The following PBX1 variants were observed in gnomAD, a reference collection of about 807,000 sequenced individuals.
The protein encoded by PBX1 is PBX homeobox 1, also known as pre-B-cell leukemia transcription factor 1.
Under a neutral mutation model 53.4 loss-of-function variants are expected in PBX1, and 6 were observed. That is an observed-to-expected ratio of 0.11 (90% confidence interval 0.06 to 0.22). The LOEUF (loss-of-function observed/expected upper bound fraction) is 0.22, where lower values mean the gene tolerates loss of function less well. Ranked by LOEUF, PBX1 falls within the 10% of genes least tolerant of loss-of-function variation. PBX1 has a pLI of 1.00. For synonymous variants in PBX1, 204 were observed against 212.3 expected (o/e 0.96, Z 0.34); for missense variants, 251 against 551.4 (o/e 0.46, Z 5.46).
chr1:164,792,783 A>G (rs766231849), intron 3 of PBX1, 45 bp downstream of exon 3: 123 of 1,438,116 alleles, frequency 8.6e-5, no homozygotes, highest in Non-Finnish European at 1.1e-4. Flanking sequence ...CCTTTAGGAA[A>G]GGGTGGAGGA....
chr1:164,729,588 G>A (rs1664877586), intron 2 of PBX1, among the ~76,000 whole-genome samples: 1 of 152,080 alleles, frequency 6.6e-6, no homozygotes, highest in Non-Finnish European at 1.5e-5. Context: ...ACATGTTTCA[G>A]GCAGTTTATT....
At chr1:164,820,279 G>A (rs976681508) in intron 7 of PBX1, 95 bp downstream of exon 7, 21 of 733,832 alleles carry the variant, frequency 2.9e-5, no homozygotes, top group African/African-American at 5.3e-5. Flanking sequence ...GAGAGAGAGA[G>A]AAAAACAGAT....
intron 8 of PBX1, among the ~76,000 whole-genome samples, chr1:164,842,610 T>C (rs1352579713): frequency 6.6e-6 from 1 of 152,108 alleles, no homozygotes; most frequent in Non-Finnish European, 1.5e-5. Flanking sequence ...CTTCATCTGG[T>C]AGAATTAAAA....
At chr1:164,724,982 C>A (rs1228682056) in intron 2 of PBX1, among the ~76,000 whole-genome samples, 1 of 151,872 alleles carries the variant, frequency 6.6e-6, no homozygotes, top group Non-Finnish European at 1.5e-5. Context: ...ACAGGTGGGT[C>A]CTTTTTCGGT....
In PBX1 at chr1:164,632,228, A is replaced by G. The variant is rs1278582151; in HGVS notation, c.265+68917A>G. On this transcript the variant is annotated intron_variant, in intron 2 of 8. Transcript: ENST00000420696. ...CGCAGCCTAGGCATTAATAGCCCTC[A>G]CAGCACCTCATTGACATGGCTGCAC... Among the ~76,000 whole-genome samples, 3 of 152,202 alleles carry G rather than the reference A, an allele frequency of 2.0e-5. No individual in the cohort carries two copies. The East Asian group carries it at 5.8e-4, about 29-fold the overall frequency.
At chr1:164,781,312 C>A (rs901043020) in intron 2 of PBX1, among the ~76,000 whole-genome samples, 20 of 152,262 alleles carry the variant, frequency 1.3e-4, no homozygotes, top group African/African-American at 3.9e-4. Context: ...GAGGTGATTT[C>A]TCCTCTAAGT....
intron 2 of PBX1, among the ~76,000 whole-genome samples, chr1:164,710,665 C>T (rs1663705570): frequency 6.6e-6 from 1 of 152,104 alleles, no homozygotes; most frequent in Non-Finnish European, 1.5e-5. Context: ...CCCGCCTTGG[C>T]CCCCCAAAGT....
chr1:164,869,369 G>A (rs1672294699), intron 2 of PBX1, among the ~76,000 whole-genome samples: 1 of 152,214 alleles, frequency 6.6e-6, no homozygotes, highest in African/African-American at 2.4e-5. Flanking sequence ...GGGTGAAGCA[G>A]GTTAACTTCC....
chr1:164,566,931 T>C (rs749442092), intron 2 of PBX1, among the ~76,000 whole-genome samples: 7 of 152,234 alleles, frequency 4.6e-5, no homozygotes, highest in Middle Eastern at 3.4e-3. Context: ...GTTAAAAAAA[T>C]TTATTTTTTG....
intron 2 of PBX1, among the ~76,000 whole-genome samples, chr1:164,759,896 A>G (rs1666720059): frequency 6.6e-6 from 1 of 152,102 alleles, no homozygotes; most frequent in South Asian, 2.1e-4. Flanking sequence ...TCAGATGCCC[A>G]GTTCACACAG....
At position 164,838,214 on chromosome 1, in the gene PBX1, G is replaced by A. The variant is rs111772226; in HGVS notation, c.1201-8370G>A. 1.9e-3 allele frequency among the ~76,000 whole-genome samples: 285 copies of A among 152,260 alleles called. 8 individuals carry two copies. The South Asian group carries it at 0.047, about 25-fold the overall frequency. ...TAACAAGAGAGTTTGTTTTCATACC[G>A]TGTGAACATGGATCAGATATACCAT... On this transcript the variant is annotated intron_variant, in intron 8 of 8. Transcript: ENST00000420696.
At chr1:164,620,568 T>C (rs1226944199) in intron 2 of PBX1, among the ~76,000 whole-genome samples, 2 of 152,190 alleles carry the variant, frequency 1.3e-5, no homozygotes, top group Non-Finnish European at 2.9e-5. Flanking sequence ...CATATTCTCG[T>C]GGCCTAAAAT....
At chr1:164,736,681 G>A (rs1188195246) in intron 2 of PBX1, among the ~76,000 whole-genome samples, 1 of 152,170 alleles carries the variant, frequency 6.6e-6, no homozygotes, top group Non-Finnish European at 1.5e-5. Context: ...CAAATATGAG[G>A]CAGACAAGAT....
chr1:164,565,095 A>G (rs1056497067), intron 2 of PBX1, among the ~76,000 whole-genome samples: 3 of 152,138 alleles, frequency 2.0e-5, no homozygotes, highest in Admixed American at 6.5e-5. Flanking sequence ...GCTTAATTCT[A>G]GTTTCCTAAT....
intron 8 of PBX1, 73 bp from the exon 9 acceptor site, chr1:164,846,511 C>G: frequency 7.7e-7 from 1 of 1,297,004 alleles, no homozygotes; most frequent in Non-Finnish European, 1.1e-6. Flanking sequence ...CACAAGATGC[C>G]TCATTGTCAT....
At chr1:164,671,723 A>G in intron 2 of PBX1, among the ~76,000 whole-genome samples, 1 of 152,202 alleles carries the variant, frequency 6.6e-6, no homozygotes, top group Non-Finnish European at 1.5e-5. Flanking sequence ...GGGGAGGTTA[A>G]GAGTAAGCAG....
intron 8 of PBX1, among the ~76,000 whole-genome samples, chr1:164,825,347 T>C (rs1670402523): frequency 6.6e-6 from 1 of 152,206 alleles, no homozygotes; most frequent in Admixed American, 6.5e-5. Context: ...TGTACATACA[T>C]GCGCAGAAAT....
chr1:164,567,154 A>G (rs917578989), intron 2 of PBX1, among the ~76,000 whole-genome samples: 32 of 151,960 alleles, frequency 2.1e-4, no homozygotes, highest in African/African-American at 7.7e-4. Flanking sequence ...AAAGCATTAG[A>G]GAATAATTTG....
chr1:164,721,261 C>T (rs1423419058), intron 2 of PBX1, among the ~76,000 whole-genome samples: 2 of 152,190 alleles, frequency 1.3e-5, no homozygotes, highest in East Asian at 3.9e-4. Context: ...GGACTCACTG[C>T]TTTTCTCCCC....
Sources: gnomAD v4.1 joint callset for allele counts (sites outside exome capture counted in the v4.1 genomes callset) on GRCh38, gnomAD v4.1.1 for gene constraint, MANE v1.5 for transcripts, NCBI Gene and HGNC (gene_info 2026-07-23, HGNC 2026-07-21) for gene names.